Variants in MTSS1 observed in about 807,000 individuals in gnomAD.
MTSS1 encodes the protein protein MTSS 1.
Under a neutral mutation model 79.0 loss-of-function variants are expected in MTSS1, and 18 were observed. That is an observed-to-expected ratio of 0.23 (90% CI 0.16 to 0.34). The LOEUF (loss-of-function observed/expected upper bound fraction) is 0.34. Ranked by LOEUF, MTSS1 falls within the 10% of genes least tolerant of loss-of-function variation. The pLI is 1.00. For synonymous variants in MTSS1, 341 were observed against 368.6 expected (o/e 0.93, Z 0.86); for missense variants, 815 against 986.2 (o/e 0.83, Z 2.33).
chr8:124,679,175 C>T (rs1384930886), intron 3 of MTSS1, among the ~76,000 whole-genome samples: 1 of 152,222 alleles, frequency 6.6e-6, no homozygotes, highest in Non-Finnish European at 1.5e-5. Flanking sequence ...TAAGCCAAGC[C>T]TAGTGCTGGC....
At chr8:124,682,678 A>G (rs964562798) in intron 3 of MTSS1, among the ~76,000 whole-genome samples, 7 of 152,220 alleles carry the variant, frequency 4.6e-5, no homozygotes, top group African/African-American at 9.6e-5. Context: ...GCCAGTGGCT[A>G]ACTGCAAGGC....
rs146708337 is a variant in MTSS1, at chr8:124,597,174, G to C, written c.209-5939C>G. Among the ~76,000 whole-genome samples the C allele has an allele frequency of 3.5e-4, 54 of 152,228 alleles. No individual in the cohort carries two copies. The highest frequency in any genetic ancestry group is 1.3e-3 in the African/African-American group (52 of 41,552). Reference sequence around the variant, plus strand: ...TTGGTTGGATGGACACAGATAAAATGGTGCAGGGAACACTGTCCTGACAGC... The same window carrying C: ...TTGGTTGGATGGACACAGATAAAATCGTGCAGGGAACACTGTCCTGACAGC... On this transcript the variant is annotated intron_variant, in intron 3 of 13. Coordinates refer to ENST00000518547, the MANE Select transcript of MTSS1 (RefSeq NM_014751.6). This position sits in a 1 kb window ranked among gnomAD's most constrained non-coding sequence, Gnocchi z 4.6.
intron 3 of MTSS1, among the ~76,000 whole-genome samples, chr8:124,593,196 C>T (rs1396465744): frequency 2.6e-5 from 4 of 152,192 alleles, no homozygotes; most frequent in East Asian, 1.9e-4. Flanking sequence ...TAAGCAAAGA[C>T]GAGGAACGTT....
intron 3 of MTSS1, among the ~76,000 whole-genome samples, chr8:124,593,560 A>C (rs1832230765): frequency 6.6e-6 from 1 of 152,220 alleles, no homozygotes; most frequent in South Asian, 2.1e-4. Flanking sequence ...CATGCGATGG[A>C]ATTGCACGTG....
chr8:124,631,889 C>G (rs1816027207), intron 3 of MTSS1, among the ~76,000 whole-genome samples: 1 of 152,214 alleles, frequency 6.6e-6, no homozygotes, highest in Non-Finnish European at 1.5e-5. Context: ...TCCACTGCAG[C>G]TACTGGAATA....
intron 1 of MTSS1, among the ~76,000 whole-genome samples, chr8:124,716,206 G>A (rs1376129030): frequency 1.3e-5 from 2 of 152,192 alleles, no homozygotes; most frequent in Non-Finnish European, 2.9e-5. Context: ...TGGACAGTGC[G>A]GTTCCCAGAG....
At chr8:124,609,574 C>A (rs1835428600) in intron 3 of MTSS1, among the ~76,000 whole-genome samples, 1 of 152,134 alleles carries the variant, frequency 6.6e-6, no homozygotes, top group Non-Finnish European at 1.5e-5. Context: ...CCAGTCCTTG[C>A]AAATAGGATG....
chr8:124,594,247 C>T (rs1458083963), intron 3 of MTSS1, among the ~76,000 whole-genome samples: 4 of 152,202 alleles, frequency 2.6e-5, no homozygotes, highest in African/African-American at 9.7e-5. Flanking sequence ...AACAGATGAA[C>T]TGGCCGGGCT....
intron 1 of MTSS1, among the ~76,000 whole-genome samples, chr8:124,716,435 G>A (rs1587965233): frequency 1.3e-5 from 2 of 152,306 alleles, no homozygotes; most frequent in Middle Eastern, 6.8e-3. Flanking sequence ...ACATGTGCGG[G>A]AGATAGCTCC....
chr8:124,655,561 G>GGC (rs1276800343), intron 3 of MTSS1, among the ~76,000 whole-genome samples: 1 of 152,202 alleles, frequency 6.6e-6, no homozygotes, highest in Non-Finnish European at 1.5e-5. Flanking sequence ...GCCCGGACTT[G>GGC]CTCTGCAAAA....
At chr8:124,637,275 C>A (rs757672584) in intron 3 of MTSS1, among the ~76,000 whole-genome samples, 1 of 152,168 alleles carries the variant, frequency 6.6e-6, no homozygotes, top group Non-Finnish European at 1.5e-5. Context: ...TTCATTCAAC[C>A]TTATTCGGTG....
At chr8:124,599,715 A>G (rs745591281) in intron 3 of MTSS1, among the ~76,000 whole-genome samples, 1 of 152,006 alleles carries the variant, frequency 6.6e-6, no homozygotes, top group Non-Finnish European at 1.5e-5. Context: ...AATGACCTCC[A>G]AAACGGTCTT....
chr8:124,671,930 T>G (rs529913026), intron 3 of MTSS1, among the ~76,000 whole-genome samples: 1 of 152,310 alleles, frequency 6.6e-6, no homozygotes, highest in South Asian at 2.1e-4. Context: ...TCAGTGACCA[T>G]CAGGAAATTT....
At chr8:124,718,468 T>C (rs890938877) in intron 1 of MTSS1, among the ~76,000 whole-genome samples, 1 of 152,090 alleles carries the variant, frequency 6.6e-6, no homozygotes, top group Non-Finnish European at 1.5e-5. Context: ...CCGCTCCCTG[T>C]TTCCTATTGG....
chr8:124,685,227 G>C (rs1173010494), intron 3 of MTSS1, among the ~76,000 whole-genome samples: 3 of 152,182 alleles, frequency 2.0e-5, no homozygotes, highest in South Asian at 2.1e-4. Context: ...TTTGGAATTA[G>C]ATGAGGTGGT....
At chr8:124,583,130 G>A (rs1018048284) in intron 6 of MTSS1, among the ~76,000 whole-genome samples, 2 of 152,144 alleles carry the variant, frequency 1.3e-5, no homozygotes, top group Non-Finnish European at 2.9e-5. Context: ...TAAGTCCACC[G>A]TGTGGAAAAG....
chr8:124,726,364 C>G (rs531861044), intron 1 of MTSS1, among the ~76,000 whole-genome samples: 1 of 152,216 alleles, frequency 6.6e-6, no homozygotes, highest in Non-Finnish European at 1.5e-5. Flanking sequence ...GTGGACAGAT[C>G]CGTCAGTGTG....
intron 6 of MTSS1, chr8:124,577,767 C>T: frequency 2.3e-6 from 1 of 430,500 alleles, no homozygotes; most frequent in Non-Finnish European, 4.7e-6. Context: ...TGTTCTTCCT[C>T]CTCACTCCAC....
In MTSS1 at chr8:124,615,631, T is replaced by TG. The variant is rs147953687; in HGVS notation, c.209-24397dup. On this transcript the variant is annotated intron_variant, in intron 3 of 13. Transcript: ENST00000518547. ...TCAGTTTTGCAAGAGGAAAAAGTCCTGGAGATCTGTGGCACAACACTACAG... is the reference window on the plus strand; with the variant it reads ...TCAGTTTTGCAAGAGGAAAAAGTCCTGGGAGATCTGTGGCACAACACTACAG... Among the ~76,000 whole-genome samples, 74 of 152,332 alleles carry TG rather than the reference T, an allele frequency of 4.9e-4. 1 individual carries two copies. The East Asian group carries it at 0.014, about 29-fold the overall frequency.
Sources: gnomAD v4.1 joint callset for allele counts (sites outside exome capture counted in the v4.1 genomes callset) on GRCh38, gnomAD v4.1.1 for gene constraint, Gnocchi (gnomAD v3.1) non-coding constraint, MANE v1.5 for transcripts, NCBI Gene and HGNC (gene_info 2026-07-23, HGNC 2026-07-21) for gene names.